The following JPH2 variants were observed in gnomAD, a reference collection of about 807,000 sequenced individuals.
JPH2 encodes junctophilin-2.
Under a neutral mutation model 55.9 loss-of-function variants are expected in JPH2, and 38 were observed. The ratio of observed to expected loss-of-function variants is 0.68; its 90% CI spans 0.52 to 0.89. The LOEUF (loss-of-function observed/expected upper bound fraction) is 0.89, where lower values mean the gene tolerates loss of function less well. JPH2 is among the 40% of genes least tolerant of loss of function. The pLI, the probability that JPH2 is intolerant of heterozygous loss-of-function variation, is 0.00. For synonymous variants in JPH2, 480 were observed against 472.4 expected (o/e 1.02, Z -0.21); for missense variants, 964 against 1,037.6 (o/e 0.93, Z 0.97).
intron 1 of JPH2, among the ~76,000 whole-genome samples, chr20:44,185,177 G>A (rs1302737672): frequency 6.6e-6 from 1 of 152,118 alleles, no homozygotes; most frequent in Non-Finnish European, 1.5e-5. Flanking sequence ...TTGGTGGCAT[G>A]TGCCTTGTAG....
intron 2 of JPH2, among the ~76,000 whole-genome samples, chr20:44,156,358 C>T (rs1441096189): frequency 6.6e-6 from 1 of 152,132 alleles, no homozygotes; most frequent in Non-Finnish European, 1.5e-5. Context: ...ATTATTCCCA[C>T]CTAAAAGTTT....
At chr20:44,134,662 A>ATAAATATT (rs2072386376) in intron 2 of JPH2, among the ~76,000 whole-genome samples, 1 of 29,128 alleles carries the variant, frequency 3.4e-5, no homozygotes, top group African/African-American at 1.5e-4. Context: ...TTATAAATAT[A>ATAAATATT]TATAAATATA....
In JPH2 at chr20:44,112,850, C is replaced by T. The variant is rs2072156277; in HGVS notation, c.*668G>A. Reference sequence around the variant, plus strand: ...GAGGATCCATGGGGTCTCCCCTCGTCTATTGGTCCAGAAGGGAAGCTAACT... The same window carrying T: ...GAGGATCCATGGGGTCTCCCCTCGTTTATTGGTCCAGAAGGGAAGCTAACT... On this transcript the variant is annotated 3_prime_UTR_variant, in exon 6 of 6. Coordinates refer to ENST00000372980, the MANE Select transcript of JPH2 (RefSeq NM_020433.5). 6.6e-6 allele frequency: 1 copy of T among 152,356 alleles called. No homozygotes were observed. The highest frequency in any genetic ancestry group is 2.4e-5 in the African/African-American group (1 of 41,466). 9.4% of individuals were successfully genotyped at this position (152,356 alleles called of 1,614,324 possible). A position where few individuals can be genotyped will look rare whatever the true frequency, so the allele number is the denominator to read the frequency against.
intron 2 of JPH2, among the ~76,000 whole-genome samples, chr20:44,142,019 T>C (rs2072460329): frequency 6.6e-6 from 1 of 152,310 alleles, no homozygotes; most frequent in African/African-American, 2.4e-5. Flanking sequence ...AGTGACTGAA[T>C]GACCACTTGG....
intron 2 of JPH2, among the ~76,000 whole-genome samples, chr20:44,127,792 C>T (rs1457124570): frequency 3.9e-5 from 6 of 152,064 alleles, no homozygotes; most frequent in African/African-American, 7.2e-5. Flanking sequence ...CCGGCCCATC[C>T]TTCGTTTTGA....
At chr20:44,177,016 G>T (rs1245620437) in intron 1 of JPH2, 1 of 985,306 alleles carries the variant, frequency 1.0e-6, no homozygotes, top group Non-Finnish European at 1.2e-6. Flanking sequence ...GCCTGGAGCA[G>T]GGGTCACTCT....
intron 2 of JPH2, among the ~76,000 whole-genome samples, chr20:44,141,654 C>A (rs574925852): frequency 6.6e-6 from 1 of 151,924 alleles, no homozygotes; most frequent in African/African-American, 2.4e-5. Context: ...TGCTACCACG[C>A]CTAGCTAATA....
chr20:44,157,344 C>T (rs1446011871), intron 2 of JPH2, among the ~76,000 whole-genome samples: 1 of 152,190 alleles, frequency 6.6e-6, no homozygotes, highest in African/African-American at 2.4e-5. Context: ...CCAGCTCCCT[C>T]ATCCCAACTT....
At chr20:44,180,327 T>G (rs1433986377) in intron 1 of JPH2, among the ~76,000 whole-genome samples, 1 of 151,408 alleles carries the variant, frequency 6.6e-6, no homozygotes, top group Non-Finnish European at 1.5e-5. Flanking sequence ...TTTATTATTA[T>G]TATATTTATT....
rs1222865280 is a variant in JPH2 at position 44,116,317 on chromosome 20, G to C, written c.1358C>G (p.Pro453Arg). 1 of 1,543,966 alleles carries C rather than the reference G, an allele frequency of 6.5e-7. No individual in the cohort carries two copies. The highest frequency in any genetic ancestry group is 8.7e-7 in the Non-Finnish European group (1 of 1,146,012). ...LENSESLLEP[P>R]DRGAGAAGLP... ...GCCCGCTGCGCCGGCGCCCCGGTCG[G>C]GGGGCTCCAGCAGGCTCTCCGAGTT... is the stretch of plus-strand genomic sequence containing the variant. The change falls in exon 4 of 6, where the codon CCC becomes CGC. Residue 453 changes from proline to arginine, a missense_variant. Physicochemically the swap from Pro to Arg is moderately radical, Grantham distance 103. Coordinates refer to ENST00000372980, the MANE Select transcript of JPH2 (RefSeq NM_020433.5).
chr20:44,134,704 AAT>A (rs1315600417), intron 2 of JPH2, among the ~76,000 whole-genome samples: 1 of 34,026 alleles, frequency 2.9e-5, no homozygotes, highest in African/African-American at 1.3e-4. Flanking sequence ...TATATACATT[AAT>A]ATATATTATA....
At chr20:44,120,510 G>T (rs2072227695) in intron 2 of JPH2, among the ~76,000 whole-genome samples, 1 of 152,136 alleles carries the variant, frequency 6.6e-6, no homozygotes, top group African/African-American at 2.4e-5. Flanking sequence ...GGAAGCTGGT[G>T]CTGTTATTAT....
chr20:44,156,970 T>C (rs2072570218), intron 2 of JPH2, among the ~76,000 whole-genome samples: 1 of 152,244 alleles, frequency 6.6e-6, no homozygotes, highest in Non-Finnish European at 1.5e-5. Context: ...AGTTTTTGAA[T>C]CAGAAAGCTA....
rs527863634 is a variant in JPH2, at chr20:44,125,266, ACAC to A, written c.1170-6646_1170-6644del. Among the ~76,000 whole-genome samples, 256 of 152,298 alleles carry A rather than the reference ACAC, an allele frequency of 1.7e-3. 1 individual carries two copies. Among genetic ancestry groups the A allele is most frequent in the African/African-American group, 5.8e-3 (241 of 41,568 alleles). On this transcript the variant is annotated intron_variant, in intron 2 of 5. Transcript: ENST00000372980. ...GTCATAGAGACCATATGACCTACAA[ACAC>A]CACAATATTTACCATCTAGTCCTTT...
rs747710349 is a variant in JPH2 at position 44,140,750 on chromosome 20, CAAG to C, written c.1169+18865_1169+18867del. ...CCGAGATCTCACCCTTCAATAACAC[CAAG>C]AAGAATCACTGAAGCAAGGGTAATC... On this transcript the variant is annotated intron_variant, in intron 2 of 5. Coordinates refer to ENST00000372980, the MANE Select transcript of JPH2 (RefSeq NM_020433.5). 2.5e-4 allele frequency among the ~76,000 whole-genome samples: 38 copies of C among 152,102 alleles called. 1 individual carries two copies. Among genetic ancestry groups the C allele is most frequent in the South Asian group, 1.2e-3 (6 of 4,816 alleles).
At position 44,170,364 on chromosome 20, in the gene JPH2, C is replaced by T. The variant is rs760146236; in HGVS notation, c.380-9957G>A. 5.3e-5 allele frequency among the ~76,000 whole-genome samples: 8 copies of T among 152,334 alleles called. No homozygotes were observed. The Middle Eastern group carries it at 0.014, about 259-fold the overall frequency. On this transcript the variant is annotated intron_variant, in intron 1 of 5. Transcript: ENST00000372980. ...CTTGCCTGTTTTGTCTACCAGCCAT[C>T]GCTGATCCTTCTCCAAGTCCTCTCA...
At chr20:44,147,629 G>T (rs1003155646) in intron 2 of JPH2, among the ~76,000 whole-genome samples, 2 of 152,198 alleles carry the variant, frequency 1.3e-5, no homozygotes, top group African/African-American at 4.8e-5. Flanking sequence ...TAGAACAGGG[G>T]ATTTATTACT....
At chr20:44,129,198 T>G (rs1245446642) in intron 2 of JPH2, among the ~76,000 whole-genome samples, 3 of 152,080 alleles carry the variant, frequency 2.0e-5, no homozygotes, top group Admixed American at 1.3e-4. Context: ...GAGTGAAGCC[T>G]CCTCTAGTGA....
intron 2 of JPH2, among the ~76,000 whole-genome samples, chr20:44,132,018 A>C (rs1300039962): frequency 1.3e-5 from 2 of 152,170 alleles, no homozygotes; most frequent in Non-Finnish European, 2.9e-5. Flanking sequence ...TGTGAGCTAC[A>C]CGGTATTTAC....
Sources: gnomAD v4.1 joint callset for allele counts (sites outside exome capture counted in the v4.1 genomes callset) on GRCh38, gnomAD v4.1.1 for gene constraint, MANE v1.5 for transcripts, NCBI Gene and HGNC (gene_info 2026-07-23, HGNC 2026-07-21) for gene names.